Variants in CDH13 observed in about 807,000 individuals in gnomAD.
CDH13 encodes cadherin 13, also known as cadherin-13.
CDH13 carries 24 observed loss-of-function variants against 63.8 expected under a neutral mutation model. The ratio of observed to expected loss-of-function variants is 0.38; its 90% CI spans 0.27 to 0.53. The LOEUF (loss-of-function observed/expected upper bound fraction) is 0.53. Among genes scored for constraint, CDH13 ranks in the 20% least tolerant of loss-of-function variants. The pLI, the probability that CDH13 is intolerant of heterozygous loss-of-function variation, is 0.85. For synonymous variants in CDH13, 503 were observed against 355.3 expected, an observed-to-expected ratio of 1.42 and a Z score of -4.67; for missense variants, 1,049 against 903.1, an observed-to-expected ratio of 1.16 and a Z score of -2.07.
At chr16:82,810,832 G>C (rs2037404867) in intron 1 of CDH13, among the ~76,000 whole-genome samples, 1 of 151,996 alleles carries the variant, frequency 6.6e-6, no homozygotes, top group Non-Finnish European at 1.5e-5. Context: ...TTCATCCTAA[G>C]AAGAGTGAGA....
At chr16:83,037,194 A>T (rs917160293) in intron 3 of CDH13, among the ~76,000 whole-genome samples, 1 of 152,202 alleles carries the variant, frequency 6.6e-6, no homozygotes, top group African/African-American at 2.4e-5. Context: ...TCTTACGGTC[A>T]TGCATCTTAG....
intron 1 of CDH13, among the ~76,000 whole-genome samples, chr16:82,654,350 C>A (rs1911062565): frequency 6.6e-6 from 1 of 152,142 alleles, no homozygotes; most frequent in African/African-American, 2.4e-5. Flanking sequence ...AAATCTCTTG[C>A]AGAAGAGATG....
At chr16:82,760,474 A>G (rs2034791689) in intron 1 of CDH13, among the ~76,000 whole-genome samples, 2 of 152,112 alleles carry the variant, frequency 1.3e-5, no homozygotes, top group Admixed American at 6.6e-5. Context: ...TTTTATTAAT[A>G]TTATGGCATT....
chr16:82,922,302 C>A (rs539470982), intron 2 of CDH13, among the ~76,000 whole-genome samples: 324 of 152,238 alleles, frequency 2.1e-3, no homozygotes, highest in Non-Finnish European at 3.3e-3. Context: ...GACTGGACAA[C>A]TTTTCACATA....
chr16:82,700,369 C>T (rs754281152), intron 1 of CDH13, among the ~76,000 whole-genome samples: 3 of 152,170 alleles, frequency 2.0e-5, no homozygotes, highest in African/African-American at 4.8e-5. Flanking sequence ...ACGTGACCAA[C>T]GTTCTATGCA....
chr16:83,128,464 A>G (rs1293783456), intron 4 of CDH13, among the ~76,000 whole-genome samples: 5 of 152,232 alleles, frequency 3.3e-5, no homozygotes, highest in Non-Finnish European at 5.9e-5. Context: ...CTGACCTGAA[A>G]TGCACTTTCT....
At chr16:83,105,278 AT>A (rs1487659001) in intron 3 of CDH13, among the ~76,000 whole-genome samples, 2 of 152,222 alleles carry the variant, frequency 1.3e-5, no homozygotes, top group African/African-American at 4.8e-5. Context: ...CTGGTTTTGT[AT>A]TTGATACAAA....
At chr16:82,989,897 C>T (rs928655447) in intron 2 of CDH13, among the ~76,000 whole-genome samples, 1 of 152,134 alleles carries the variant, frequency 6.6e-6, no homozygotes, top group Non-Finnish European at 1.5e-5. Flanking sequence ...CTCTCTAGCC[C>T]CACGTCTCCG....
intron 1 of CDH13, among the ~76,000 whole-genome samples, chr16:82,665,713 A>G (rs1241083540): frequency 6.6e-6 from 1 of 152,026 alleles, no homozygotes; most frequent in Non-Finnish European, 1.5e-5. Context: ...AGACAGGGAC[A>G]ATGTGACAGT....
intron 2 of CDH13, among the ~76,000 whole-genome samples, chr16:82,978,277 G>A (rs1241195759): frequency 6.6e-6 from 1 of 152,220 alleles, no homozygotes; most frequent in Non-Finnish European, 1.5e-5. Context: ...GCCTGACAAT[G>A]CAATAGAAAA....
At chr16:82,962,627 C>A (rs1252143147) in intron 2 of CDH13, among the ~76,000 whole-genome samples, 2 of 152,064 alleles carry the variant, frequency 1.3e-5, no homozygotes, top group African/African-American at 4.8e-5. Flanking sequence ...GACAAAGATG[C>A]GGGTGAAACT....
intron 7 of CDH13, among the ~76,000 whole-genome samples, chr16:83,538,756 C>A (rs2075243832): frequency 2.0e-5 from 3 of 152,120 alleles, no homozygotes; most frequent in Admixed American, 1.3e-4. Context: ...AGTTAGAATG[C>A]ATAATCTGTT....
chr16:82,770,643 C>T (rs1452179337), intron 1 of CDH13, among the ~76,000 whole-genome samples: 1 of 152,158 alleles, frequency 6.6e-6, no homozygotes, highest in Non-Finnish European at 1.5e-5. Context: ...TCAATTACTG[C>T]ATAATATTCT....
chr16:82,742,431 G>C (rs1324207899), intron 1 of CDH13, among the ~76,000 whole-genome samples: 1 of 152,052 alleles, frequency 6.6e-6, no homozygotes, highest in African/African-American at 2.4e-5. Context: ...ACAGTAACTT[G>C]TACTGTTAAC....
In CDH13 at chr16:83,047,658, A is replaced by G. The variant is rs1343442404; in HGVS notation, c.366+15440A>G. Among the ~76,000 whole-genome samples, 1 of 152,258 alleles carries G rather than the reference A, an allele frequency of 6.6e-6. No homozygotes were observed. The highest frequency in any genetic ancestry group is 2.1e-4 in the South Asian group (1 of 4,834). ...AGATTTGACTGACTTGTTCGTTGCT[A>G]TAAATCTAGCACTTACAATATCTGG... On this transcript the variant is annotated intron_variant, in intron 3 of 13. Transcript: ENST00000567109. This position sits in a 1 kb window ranked among gnomAD's most constrained non-coding sequence, Gnocchi z 4.9.
chr16:83,761,405 G>A (rs543313003), intron 11 of CDH13, among the ~76,000 whole-genome samples: 3 of 152,328 alleles, frequency 2.0e-5, no homozygotes, highest in African/African-American at 7.2e-5. Flanking sequence ...GAGTTTAGTT[G>A]AGCAAAGAAC....
chr16:83,294,942 A>T (rs2089555030), intron 5 of CDH13, among the ~76,000 whole-genome samples: 1 of 152,186 alleles, frequency 6.6e-6, no homozygotes, highest in Admixed American at 6.6e-5. Context: ...GAGCAAAGAG[A>T]ACAAAGCTGT....
chr16:83,704,075 C>G (rs776524258), intron 10 of CDH13, among the ~76,000 whole-genome samples: 1 of 152,176 alleles, frequency 6.6e-6, no homozygotes, highest in Non-Finnish European at 1.5e-5. Flanking sequence ...GACTTCACCT[C>G]ACACCCATCC....
chr16:83,368,112 C>G (rs986122393), intron 6 of CDH13, among the ~76,000 whole-genome samples: 2 of 152,154 alleles, frequency 1.3e-5, no homozygotes, highest in Non-Finnish European at 2.9e-5. Flanking sequence ...TTCTTGTATA[C>G]TGATCTTGTG....
Sources: allele counts gnomAD v4.1 joint callset (sites outside exome capture counted in the v4.1 genomes callset), GRCh38; gene constraint gnomAD v4.1.1; non-coding constraint Gnocchi (gnomAD v3.1); transcripts MANE v1.5; gene names NCBI Gene and HGNC (gene_info 2026-07-23, HGNC 2026-07-21).